Variants in STAG2 observed in about 807,000 individuals in gnomAD.
STAG2 encodes the protein cohesin subunit SA-2.
A neutral mutation model predicts 108.1 loss-of-function variants in STAG2; 14 were observed. The ratio of observed to expected loss-of-function variants is 0.13; its 90% CI spans 0.09 to 0.20. The LOEUF is 0.20. Ranked by LOEUF, STAG2 falls within the 10% of genes least tolerant of loss-of-function variation. The pLI is 1.00. For synonymous variants in STAG2, 307 were observed against 302.7 expected (o/e 1.01, Z -0.15); for missense variants, 440 against 940.9 (o/e 0.47, Z 6.96).
chrX:124,083,699 T>G, intron 29 of STAG2, 150 bp downstream of exon 29: 1 of 362,492 alleles, frequency 2.8e-6, no homozygotes, highest in East Asian at 5.3e-5. Context: ...CTTTATAATT[T>G]AAGGATTATA....
chrX:124,027,964 C>T (rs751105582), intron 4 of STAG2, among the ~76,000 whole-genome samples: 5 of 111,333 alleles, frequency 4.5e-5, no homozygotes, highest in African/African-American at 6.5e-5. Flanking sequence ...CCCATTCTGC[C>T]ATTTTAATTG....
chrX:124,000,377 T>C (rs2055973498), intron 1 of STAG2, among the ~76,000 whole-genome samples: 1 of 111,692 alleles, frequency 9.0e-6, no homozygotes, highest in African/African-American at 3.3e-5. Flanking sequence ...CTATTACTTA[T>C]AACAAATTGT....
At chrX:124,017,784 T>C (rs1187674728) in intron 1 of STAG2, among the ~76,000 whole-genome samples, 3 of 111,841 alleles carry the variant, frequency 2.7e-5, no homozygotes, top group Non-Finnish European at 5.6e-5. Context: ...TAACAGCCCA[T>C]AAATATATAC....
At chrX:124,052,627 A>G (rs1158059432) in intron 13 of STAG2, among the ~76,000 whole-genome samples, 1 of 111,273 alleles carries the variant, frequency 9.0e-6, no homozygotes, top group Admixed American at 9.6e-5. Context: ...TAATGCTGCT[A>G]TGAACATAGA....
At chrX:124,079,405 C>T (rs913089748) in intron 27 of STAG2, among the ~76,000 whole-genome samples, 1 of 110,911 alleles carries the variant, frequency 9.0e-6, no homozygotes, top group Non-Finnish European at 1.9e-5. Flanking sequence ...TCCCAAAGTG[C>T]TGGGATTACA....
chrX:124,041,654 C>T (rs1183793621), intron 6 of STAG2, among the ~76,000 whole-genome samples: 2 of 110,855 alleles, frequency 1.8e-5, no homozygotes, highest in Admixed American at 1.9e-4. Flanking sequence ...TTGATTACCC[C>T]TGCCCCCATC....
chrX:124,087,202 T>A (rs947170983), intron 30 of STAG2, among the ~76,000 whole-genome samples: 2 of 112,080 alleles, frequency 1.8e-5, no homozygotes, highest in Non-Finnish European at 3.8e-5. Context: ...TGAATTCCTA[T>A]GAAGAGGCCA....
intron 1 of STAG2, among the ~76,000 whole-genome samples, chrX:123,968,989 C>T (rs952065115): frequency 1.8e-5 from 2 of 111,777 alleles, no homozygotes. Context: ...TCAGTTGTTT[C>T]CCTTATCTGG....
At chrX:123,969,551 C>A (rs2147514630) in intron 1 of STAG2, among the ~76,000 whole-genome samples, 1 of 111,192 alleles carries the variant, frequency 9.0e-6, no homozygotes, top group Admixed American at 9.6e-5. Flanking sequence ...ATTAAGTTTT[C>A]TTGTTCTTAC....
At chrX:124,094,177 A>G in intron 33 of STAG2, 33 bp downstream of exon 33, 1 of 1,165,813 alleles carries the variant, frequency 8.6e-7, no homozygotes, top group Non-Finnish European at 1.2e-6. Flanking sequence ...TAAGATTTTC[A>G]GTTTAGATCT....
chrX:124,071,618 C>T (rs1473107228), intron 25 of STAG2, among the ~76,000 whole-genome samples: 1 of 111,580 alleles, frequency 9.0e-6, no homozygotes, highest in Non-Finnish European at 1.9e-5. Flanking sequence ...TAGTACAGTG[C>T]CTGGACATAT....
At chrX:124,022,863 TGTG>T (rs1305103720) in intron 3 of STAG2, among the ~76,000 whole-genome samples, 192 bp downstream of exon 3, 1 of 112,407 alleles carries the variant, frequency 8.9e-6, no homozygotes, top group African/African-American at 3.2e-5. Flanking sequence ...TTTTTGTTGT[TGTG>T]TTTTAAATTT....
At chrX:124,083,227 G>C (rs2059008642) in intron 28 of STAG2, among the ~76,000 whole-genome samples, 194 bp from the exon 29 acceptor site, 1 of 107,989 alleles carries the variant, frequency 9.3e-6, no homozygotes, top group Non-Finnish European at 1.9e-5. Flanking sequence ...TGTGTGTATT[G>C]TTTTAAAGAA....
At chrX:124,054,738 C>T (rs1001765198) in intron 13 of STAG2, among the ~76,000 whole-genome samples, 1 of 111,555 alleles carries the variant, frequency 9.0e-6, no homozygotes, top group African/African-American at 3.3e-5. Flanking sequence ...TGTAGAGTTA[C>T]AGTACTTTAA....
At chrX:124,080,573 A>G (rs903515616) in intron 27 of STAG2, among the ~76,000 whole-genome samples, 1 of 110,184 alleles carries the variant, frequency 9.1e-6, no homozygotes, top group Non-Finnish European at 1.9e-5. Context: ...CTTTAATCGC[A>G]GCTACTCGGG....
At chrX:123,984,701 A>T (rs2055078795) in intron 1 of STAG2, among the ~76,000 whole-genome samples, 1 of 111,102 alleles carries the variant, frequency 9.0e-6, no homozygotes. Context: ...GGCTGGAGTG[A>T]TCTCAGTTCA....
chrX:124,093,513 G>C (rs2059306680), intron 32 of STAG2, among the ~76,000 whole-genome samples: 1 of 97,405 alleles, frequency 1.0e-5, no homozygotes, highest in Non-Finnish European at 2.0e-5. Context: ...GGACACAGTA[G>C]AAGCCTGTCA....
At chrX:124,092,964 A>G (rs1249100052) in intron 32 of STAG2, among the ~76,000 whole-genome samples, 1 of 111,652 alleles carries the variant, frequency 9.0e-6, no homozygotes, top group East Asian at 2.8e-4. Context: ...TTATCTTTAT[A>G]TCTTTTAAGA....
At chrX:123,983,139 A>G (rs199421) in intron 1 of STAG2, among the ~76,000 whole-genome samples, 2,975 of 111,517 alleles carry the variant, frequency 0.027, 111 homozygotes, top group African/African-American at 0.093. Context: ...TTTTTCAGCA[A>G]GGTATTGTGA....
Sources: gnomAD v4.1 joint callset for allele counts (sites outside exome capture counted in the v4.1 genomes callset) on GRCh38, gnomAD v4.1.1 for gene constraint, MANE v1.5 for transcripts, NCBI Gene and HGNC (gene_info 2026-07-23, HGNC 2026-07-21) for gene names.